The following SGCZ variants were observed in gnomAD, a reference collection of about 807,000 sequenced individuals.
SGCZ encodes the protein sarcoglycan zeta, also known as zeta-sarcoglycan.
In SGCZ, 40 loss-of-function variants were observed where a neutral mutation model predicts 41.3. The ratio of observed to expected loss-of-function variants is 0.97; its 90% CI spans 0.75 to 1.26. SGCZ has a LOEUF of 1.26. SGCZ is among the 50% of genes most tolerant of loss of function. The pLI is 0.00. For synonymous variants in SGCZ, 206 were observed against 137.5 expected, an observed-to-expected ratio of 1.50 and a Z score of -3.49; for missense variants, 552 against 369.8, an observed-to-expected ratio of 1.49 and a Z score of -4.04.
chr8:14,849,504 C>A (rs1046214573), intron 1 of SGCZ, among the ~76,000 whole-genome samples: 2 of 152,046 alleles, frequency 1.3e-5, no homozygotes, highest in Admixed American at 6.6e-5. Flanking sequence ...ATATATACTA[C>A]AACATGGTTT....
intron 1 of SGCZ, among the ~76,000 whole-genome samples, chr8:15,039,015 TG>T (rs1002422218): frequency 6.6e-6 from 1 of 152,062 alleles, no homozygotes; most frequent in Non-Finnish European, 1.5e-5. Context: ...AAGAAATATT[TG>T]TACACTGTTG....
At position 14,920,021 on chromosome 8, in the gene SGCZ, A is replaced by T. The variant is rs549961205; in HGVS notation, c.39+317564T>A. ...AGGCTCACCATACTCCTTTTAGTAG[A>T]TTTTATATTTCTACTTCTAAAAATA... On this transcript the variant is annotated intron_variant, in intron 1 of 7. Transcript: ENST00000382080. Among the ~76,000 whole-genome samples, 823 of 152,270 alleles carry T rather than the reference A, an allele frequency of 5.4e-3. 6 individuals carry two copies. The highest frequency in any genetic ancestry group is 8.9e-3 in the Non-Finnish European group (606 of 68,014).
intron 2 of SGCZ, among the ~76,000 whole-genome samples, chr8:14,537,482 A>T (rs1257025015): frequency 1.3e-5 from 2 of 151,874 alleles, no homozygotes; most frequent in Admixed American, 1.3e-4. Flanking sequence ...TAATATTTCA[A>T]TATTTGGCCT....
chr8:15,009,017 C>T (rs1398389844), intron 1 of SGCZ, among the ~76,000 whole-genome samples: 1 of 152,034 alleles, frequency 6.6e-6, no homozygotes, highest in East Asian at 1.9e-4. Flanking sequence ...GTATCCTGGC[C>T]CAAGCTATAC....
intron 2 of SGCZ, among the ~76,000 whole-genome samples, chr8:14,472,372 C>A (rs1046585971): frequency 6.6e-6 from 1 of 151,938 alleles, no homozygotes; most frequent in Admixed American, 6.6e-5. Context: ...CAATCAATAC[C>A]TCTGCAGTAC....
chr8:15,226,105 T>C (rs117629531), intron 1 of SGCZ, among the ~76,000 whole-genome samples: 1,873 of 152,294 alleles, frequency 0.012, 26 homozygotes, highest in Non-Finnish European at 0.016. Flanking sequence ...ACTAACAAAC[T>C]GAGTACATTG....
intron 1 of SGCZ, among the ~76,000 whole-genome samples, chr8:15,099,978 A>G (rs528576363): frequency 1.4e-3 from 211 of 152,238 alleles, no homozygotes; most frequent in Non-Finnish European, 2.5e-3. Flanking sequence ...GTCTACAAAA[A>G]TACCTAGAGC....
intron 1 of SGCZ, among the ~76,000 whole-genome samples, chr8:15,081,765 G>C (rs1805756153): frequency 6.6e-6 from 1 of 152,114 alleles, no homozygotes; most frequent in African/African-American, 2.4e-5. Context: ...GAATGTGAGA[G>C]AAAAGGCAAG....
intron 1 of SGCZ, among the ~76,000 whole-genome samples, chr8:14,759,662 G>C (rs1799798846): frequency 6.6e-6 from 1 of 152,172 alleles, no homozygotes; most frequent in African/African-American, 2.4e-5. Flanking sequence ...TGCCATGACA[G>C]TATTTCAGCT....
intron 1 of SGCZ, among the ~76,000 whole-genome samples, chr8:14,909,208 A>C (rs2130773817): frequency 6.6e-6 from 1 of 152,336 alleles, no homozygotes; most frequent in Non-Finnish European, 1.5e-5. Context: ...AGACCAAATT[A>C]AAGGAGGCTT....
chr8:14,931,621 A>T (rs2130806522), intron 1 of SGCZ, among the ~76,000 whole-genome samples: 1 of 152,164 alleles, frequency 6.6e-6, no homozygotes, highest in African/African-American at 2.4e-5. Flanking sequence ...AGCCATTTAG[A>T]TAATTTTCAG....
At chr8:14,268,955 T>C (rs927384923) in intron 3 of SGCZ, among the ~76,000 whole-genome samples, 14 of 151,724 alleles carry the variant, frequency 9.2e-5, no homozygotes, top group African/African-American at 3.1e-4. Flanking sequence ...ATATCTTAAG[T>C]GCCATTACAG....
At chr8:14,528,389 C>A (rs555240014) in intron 2 of SGCZ, among the ~76,000 whole-genome samples, 4 of 152,000 alleles carry the variant, frequency 2.6e-5, no homozygotes, top group Non-Finnish European at 5.9e-5. Flanking sequence ...AATATGTATG[C>A]GTGTTCACAT....
intron 1 of SGCZ, among the ~76,000 whole-genome samples, chr8:14,676,219 G>A (rs1354327246): frequency 6.6e-6 from 1 of 152,132 alleles, no homozygotes; most frequent in Non-Finnish European, 1.5e-5. Context: ...TCCCTGCAAT[G>A]CCAGAACTTT....
intron 2 of SGCZ, among the ~76,000 whole-genome samples, chr8:14,397,339 G>A (rs972440814): frequency 1.3e-5 from 2 of 151,966 alleles, no homozygotes; most frequent in African/African-American, 4.8e-5. Flanking sequence ...TTTATAATTA[G>A]GTCTCCTTCC....
chr8:14,143,866 A>G (rs1357368937), intron 5 of SGCZ, among the ~76,000 whole-genome samples: 1 of 152,188 alleles, frequency 6.6e-6, no homozygotes, highest in Non-Finnish European at 1.5e-5. Flanking sequence ...ATTGTGAGGC[A>G]TTGGACTCAG....
chr8:14,165,834 T>C (rs992085004), intron 4 of SGCZ, among the ~76,000 whole-genome samples: 26 of 152,100 alleles, frequency 1.7e-4, no homozygotes, highest in African/African-American at 6.3e-4. Context: ...ATGTGTCGCT[T>C]CTAGTAGCAC....
chr8:15,015,660 C>A lies in SGCZ; in HGVS notation c.39+221925G>T, dbSNP rs1465058542. 1.7e-5 allele frequency among the ~76,000 whole-genome samples: 2 copies of A among 118,552 alleles called. 1 individual carries two copies. The allele number at this position is 118,552 out of a possible 152,430, so 77.8% of individuals were successfully genotyped here. On this transcript the variant is annotated intron_variant, in intron 1 of 7. Transcript: ENST00000382080. ...CCGAAATCACGCCACTGCACTCCAGCGTAGGCAACAGAGAGAGACTCCATC... is the reference window on the plus strand; with the variant it reads ...CCGAAATCACGCCACTGCACTCCAGAGTAGGCAACAGAGAGAGACTCCATC...
intron 1 of SGCZ, among the ~76,000 whole-genome samples, chr8:14,569,401 G>C (rs556331569): frequency 6.6e-6 from 1 of 152,216 alleles, no homozygotes; most frequent in South Asian, 2.1e-4. Flanking sequence ...TAATTTTACA[G>C]TTTTACAGCT....
Sources: allele counts gnomAD v4.1 joint callset (sites outside exome capture counted in the v4.1 genomes callset), GRCh38; gene constraint gnomAD v4.1.1; transcripts MANE v1.5; gene names NCBI Gene and HGNC (gene_info 2026-07-23, HGNC 2026-07-21).